STK3: variants seen among roughly 807,000 people sequenced by gnomAD.
STK3 encodes the protein serine/threonine kinase 3.
In STK3, 41 loss-of-function variants were observed where a neutral mutation model predicts 58.0. The observed-to-expected ratio is 0.71, with a 90% CI of 0.55 to 0.92. The LOEUF is 0.92. Among genes scored for constraint, STK3 ranks in the 40% least tolerant of loss-of-function variants. The probability of loss-of-function intolerance (pLI) is 0.00; values close to 1 mark genes in which losing one functional copy is unlikely to be tolerated. For missense variants in STK3, 479 were observed against 602.7 expected (o/e 0.79, Z 2.15); for synonymous variants, 170 against 191.0 (o/e 0.89, Z 0.91).
At chr8:98,534,417 A>C (rs1454972331) in intron 9 of STK3, among the ~76,000 whole-genome samples, 3 of 152,252 alleles carry the variant, frequency 2.0e-5, no homozygotes, top group African/African-American at 7.2e-5. Context: ...ACAGTTCAGC[A>C]TGAAAACAGC....
chr8:98,791,866 A>G (rs1832825425), intron 1 of STK3, among the ~76,000 whole-genome samples: 1 of 152,244 alleles, frequency 6.6e-6, no homozygotes, highest in Non-Finnish European at 1.5e-5. Context: ...AAAATTCTGG[A>G]AGATAACATT....
intron 1 of STK3, among the ~76,000 whole-genome samples, chr8:98,899,795 C>G (rs1032141729): frequency 6.6e-6 from 1 of 152,140 alleles, no homozygotes; most frequent in East Asian, 1.9e-4. Flanking sequence ...AGCCAGTTAA[C>G]GTGTAGGAGG....
intron 8 of STK3, among the ~76,000 whole-genome samples, chr8:98,557,795 G>A (rs1313305076): frequency 1.3e-5 from 2 of 152,050 alleles, no homozygotes; most frequent in Non-Finnish European, 2.9e-5. Context: ...TTAGCAAACA[G>A]AAACTTCATG....
chr8:98,585,528 G>C (rs1414477572), intron 7 of STK3, among the ~76,000 whole-genome samples: 2 of 149,966 alleles, frequency 1.3e-5, no homozygotes, highest in Non-Finnish European at 3.0e-5. Context: ...GTCAGGTAGT[G>C]TGATGCCTCC....
chr8:98,911,475 C>T (rs1399821494), intron 1 of STK3, among the ~76,000 whole-genome samples: 1 of 152,102 alleles, frequency 6.6e-6, no homozygotes, highest in African/African-American at 2.4e-5. Context: ...CTCACTGCAA[C>T]CTCTGACCCC....
intron 10 of STK3, among the ~76,000 whole-genome samples, chr8:98,505,184 G>A (rs1823955959): frequency 6.6e-6 from 1 of 151,988 alleles, no homozygotes; most frequent in Non-Finnish European, 1.5e-5. Context: ...GATCGAATAG[G>A]CTATTGAAGC....
chr8:98,795,928 T>C (rs932136002), intron 1 of STK3, among the ~76,000 whole-genome samples: 4 of 151,974 alleles, frequency 2.6e-5, no homozygotes, highest in African/African-American at 9.7e-5. Flanking sequence ...AAAACACTGC[T>C]GAAAGAAATC....
intron 3 of STK3, among the ~76,000 whole-genome samples, chr8:98,869,232 C>A (rs937294250): frequency 1.3e-5 from 2 of 151,944 alleles, no homozygotes; most frequent in South Asian, 2.1e-4. Flanking sequence ...GCCAGCCTGG[C>A]CAACATGGTG....
At chr8:98,347,441 G>A in the STK3 span, among the ~76,000 whole-genome samples, 1 of 151,762 alleles carries the variant, frequency 6.6e-6, no homozygotes, top group East Asian at 1.9e-4. Flanking sequence ...CGTGAACCCA[G>A]GAGGCAGAGC....
chr8:98,466,783 A>G (rs1820499530), intron 10 of STK3, among the ~76,000 whole-genome samples: 1 of 152,158 alleles, frequency 6.6e-6, no homozygotes. Flanking sequence ...GGGCTGCCCA[A>G]CATCTTTTCT....
intron 8 of STK3, among the ~76,000 whole-genome samples, chr8:98,555,794 T>C (rs1052719680): frequency 1.3e-5 from 2 of 152,010 alleles, no homozygotes; most frequent in African/African-American, 4.8e-5. Context: ...TACAAATACA[T>C]AGCTGAGTTT....
intron 3 of STK3, chr8:98,432,257 G>A (rs1431347965): frequency 6.0e-6 from 1 of 166,986 alleles, no homozygotes; most frequent in Non-Finnish European, 1.5e-5. Flanking sequence ...CTCCTTTAGG[G>A]GGACAGAGTA....
the STK3 span, among the ~76,000 whole-genome samples, chr8:98,349,119 T>G: frequency 3.9e-5 from 6 of 152,234 alleles, no homozygotes; most frequent in African/African-American, 1.4e-4. Flanking sequence ...TAGAGGGAAC[T>G]TAAATGTGTA....
intron 3 of STK3, among the ~76,000 whole-genome samples, chr8:98,861,923 T>C (rs1270014662): frequency 6.6e-6 from 1 of 152,238 alleles, no homozygotes; most frequent in African/African-American, 2.4e-5. Flanking sequence ...TTTCCTCATC[T>C]GAAAGAATGT....
rs1820645008 is a variant in STK3 at position 98,649,003 on chromosome 8, G to GC, written c.685-52835dup. Among the ~76,000 whole-genome samples the GC allele has an allele frequency of 1.3e-5, 2 of 150,248 alleles. 1 individual carries two copies. Among genetic ancestry groups the GC allele is most frequent in the South Asian group, 4.2e-4 (2 of 4,766 alleles). On this transcript the variant is annotated intron_variant, in intron 6 of 10. Transcript: ENST00000419617. The stretch of plus-strand genomic sequence containing the variant: ...AGCCAGGAGGCAGATGTTGCAGTGA[G>GC]CCAAGATTGTGCACTGCACTCCAGC...
chr8:98,904,753 A>G (rs1375076063), intron 1 of STK3: 3 of 798,072 alleles, frequency 3.8e-6, no homozygotes, highest in African/African-American at 1.7e-5. Context: ...TGGCTGCAGC[A>G]TGACGCGGTT....
At chr8:98,652,973 C>T (rs1241727623) in intron 6 of STK3, among the ~76,000 whole-genome samples, 2 of 152,118 alleles carry the variant, frequency 1.3e-5, no homozygotes, top group Non-Finnish European at 2.9e-5. Flanking sequence ...AGCTCTGCAC[C>T]AAGCGGAACT....
chr8:98,461,918 C>CT (rs944989547), intron 10 of STK3, among the ~76,000 whole-genome samples: 3 of 151,674 alleles, frequency 2.0e-5, no homozygotes, highest in East Asian at 1.9e-4. Flanking sequence ...TTGGTGACAT[C>CT]TTTTTTGCAA....
chr8:98,435,772 G>A (rs763540202), intron 2 of STK3, among the ~76,000 whole-genome samples: 5 of 152,156 alleles, frequency 3.3e-5, no homozygotes, highest in East Asian at 1.9e-4. Flanking sequence ...TACACAGAGC[G>A]GGTGTGCAGT....
Sources: allele counts gnomAD v4.1 joint callset (sites outside exome capture counted in the v4.1 genomes callset), GRCh38; gene constraint gnomAD v4.1.1; transcripts MANE v1.5; gene names NCBI Gene and HGNC (gene_info 2026-07-23, HGNC 2026-07-21).